The following ULK4 variants were observed in gnomAD, a reference collection of about 807,000 sequenced individuals.
The protein encoded by ULK4 is unc-51 like kinase 4, also known as inactive serine/threonine-protein kinase ULK4.
In ULK4, 133 loss-of-function variants were observed where a neutral mutation model predicts 160.6. The observed-to-expected ratio is 0.83, with a 90% confidence interval of 0.72 to 0.96. The LOEUF (loss-of-function observed/expected upper bound fraction) is 0.96. Among genes scored for constraint, ULK4 ranks in the 40% least tolerant of loss-of-function variants. ULK4 has a pLI of 0.00. For synonymous variants in ULK4, 534 were observed against 539.8 expected (o/e 0.99, Z 0.15); for missense variants, 1,580 against 1,499.5 (o/e 1.05, Z -0.89).
At chr3:41,590,153 C>A (rs2031173950) in intron 31 of ULK4, among the ~76,000 whole-genome samples, 1 of 151,732 alleles carries the variant, frequency 6.6e-6, no homozygotes, top group South Asian at 2.1e-4. Context: ...CAGGCGCCTG[C>A]CACCACGCCC....
chr3:41,317,364 C>T (rs371288782), intron 35 of ULK4, among the ~76,000 whole-genome samples: 2 of 151,950 alleles, frequency 1.3e-5, no homozygotes, highest in East Asian at 1.9e-4. Context: ...CGTGAGCCAC[C>T]GCGCCCGGCC....
intron 17 of ULK4, among the ~76,000 whole-genome samples, chr3:41,853,518 G>C (rs952512947): frequency 6.6e-6 from 1 of 152,172 alleles, no homozygotes; most frequent in Non-Finnish European, 1.5e-5. Flanking sequence ...GCAAGGGTTA[G>C]ATCACGTACC....
At chr3:41,518,193 G>A (rs1247534154) in intron 32 of ULK4, among the ~76,000 whole-genome samples, 1 of 152,204 alleles carries the variant, frequency 6.6e-6, no homozygotes, top group Non-Finnish European at 1.5e-5. Context: ...GATACCTAGA[G>A]AAGAAGACTG....
intron 35 of ULK4, among the ~76,000 whole-genome samples, chr3:41,329,546 G>A (rs1366646517): frequency 2.6e-5 from 4 of 152,060 alleles, no homozygotes; most frequent in African/African-American, 9.7e-5. Context: ...ACTCTTTTCT[G>A]AACTTATTTT....
chr3:41,503,841 T>C (rs1253688778), intron 32 of ULK4, among the ~76,000 whole-genome samples: 1 of 152,176 alleles, frequency 6.6e-6, no homozygotes, highest in East Asian at 1.9e-4. Flanking sequence ...TATGTAAATA[T>C]ATTTTAACAG....
At chr3:41,948,668 G>T (rs74938739) in intron 2 of ULK4, among the ~76,000 whole-genome samples, 7 of 147,058 alleles carry the variant, frequency 4.8e-5, no homozygotes, top group African/African-American at 1.0e-4. Context: ...GGAAAAAAAC[G>T]CATGATCATC....
chr3:41,580,378 T>G (rs1287176059), intron 31 of ULK4, among the ~76,000 whole-genome samples: 1 of 136,090 alleles, frequency 7.3e-6, no homozygotes, highest in Non-Finnish European at 1.5e-5. Flanking sequence ...AATTATTTAT[T>G]TTTTTTTTTT....
intron 35 of ULK4, among the ~76,000 whole-genome samples, chr3:41,374,021 A>G (rs557096302): frequency 1.3e-5 from 2 of 152,362 alleles, no homozygotes; most frequent in South Asian, 4.1e-4. Flanking sequence ...CTACGCAAAT[A>G]AACTAGACAA....
At chr3:41,610,020 ATT>A (rs1260937073) in intron 31 of ULK4, among the ~76,000 whole-genome samples, 2 of 142,022 alleles carry the variant, frequency 1.4e-5, no homozygotes, top group African/African-American at 2.6e-5. Flanking sequence ...AAATAATTTT[ATT>A]TTTTTTTTTT....
intron 17 of ULK4, among the ~76,000 whole-genome samples, chr3:41,843,072 C>A (rs1286487239): frequency 6.6e-6 from 1 of 152,176 alleles, no homozygotes; most frequent in East Asian, 1.9e-4. Context: ...AAACTATAAA[C>A]CTTCTAGAAG....
intron 30 of ULK4, 143 bp from the exon 31 acceptor site, chr3:41,615,860 G>T: frequency 1.3e-6 from 1 of 764,574 alleles, no homozygotes; most frequent in Non-Finnish European, 2.1e-6. Flanking sequence ...TTCTTTTTAA[G>T]ACACTGAACT....
At chr3:41,876,152 C>A (rs1463907174) in intron 17 of ULK4, among the ~76,000 whole-genome samples, 2 of 145,676 alleles carry the variant, frequency 1.4e-5, no homozygotes, top group Non-Finnish European at 1.5e-5. Context: ...TGTAATGTGG[C>A]AAGAAAAAAT....
chr3:41,305,786 C>G (rs2079903696), intron 35 of ULK4, among the ~76,000 whole-genome samples: 1 of 148,586 alleles, frequency 6.7e-6, no homozygotes, highest in African/African-American at 2.6e-5. Context: ...AGCACCTCTT[C>G]CCGGCCGCCA....
Position 41,676,088 on chromosome 3 carries a change from C to T in ULK4, c.2978+5420G>A, listed in dbSNP as rs575214653. Reference sequence around the variant, plus strand: ...TGTGAGAACCTGAGCAGAGAACCCACGGACACTGTGGCAGACTTCTGACCT... The same window carrying T: ...TGTGAGAACCTGAGCAGAGAACCCATGGACACTGTGGCAGACTTCTGACCT... On this transcript the variant is annotated intron_variant, in intron 29 of 36. Transcript: ENST00000301831. 5.9e-5 allele frequency among the ~76,000 whole-genome samples: 9 copies of T among 152,234 alleles called. No homozygotes were observed. The South Asian group carries it at 6.2e-4, about 11-fold the overall frequency.
At chr3:41,410,999 G>A (rs1185704433) in intron 34 of ULK4, among the ~76,000 whole-genome samples, 4 of 152,196 alleles carry the variant, frequency 2.6e-5, no homozygotes, top group Admixed American at 2.6e-4. Flanking sequence ...CTACAGGAGT[G>A]GAGGTTAGGA....
At chr3:41,645,464 C>T (rs568347885) in intron 30 of ULK4, among the ~76,000 whole-genome samples, 24 of 150,588 alleles carry the variant, frequency 1.6e-4, no homozygotes, top group African/African-American at 5.8e-4. Flanking sequence ...AGTAGTCATT[C>T]AGGAGCAGGT....
intron 32 of ULK4, among the ~76,000 whole-genome samples, chr3:41,506,677 G>A (rs184775097): frequency 2.7e-5 from 4 of 146,644 alleles, no homozygotes; most frequent in African/African-American, 5.0e-5. Context: ...CTTCACTAAT[G>A]AATCACTTTC....
In ULK4 at chr3:41,705,083, T is replaced by C. The variant is rs2036824863; in HGVS notation, c.2755A>G (p.Ile919Val). The C allele has an allele frequency of 1.2e-6, 2 of 1,613,278 alleles. No homozygotes were observed. The highest frequency in any genetic ancestry group is 1.7e-6 in the Non-Finnish European group (2 of 1,179,774). Residue 919 changes from isoleucine to valine, a missense_variant, in exon 27 of 37, where the codon ATT becomes GTT. Ile to Val is a conservative substitution (Grantham distance 29, BLOSUM62 3). Transcript: ENST00000301831. ...SAFEAIIQYP[I>V]LLKDYRSTVV... ...GTGGAGCGATAGTCTTTCAATAAAA[T>C]AGGATACTGTATTATTGCTTCAAAA...
chr3:41,382,127 CCTTT>C (rs1176494659), intron 35 of ULK4, among the ~76,000 whole-genome samples: 3 of 152,140 alleles, frequency 2.0e-5, no homozygotes, highest in Non-Finnish European at 2.9e-5. Context: ...TTCCTCTCTT[CCTTT>C]CTCTCTATAT....
Sources: allele counts gnomAD v4.1 joint callset (sites outside exome capture counted in the v4.1 genomes callset), GRCh38; gene constraint gnomAD v4.1.1; transcripts MANE v1.5; gene names NCBI Gene and HGNC (gene_info 2026-07-23, HGNC 2026-07-21).